The following MPHOSPH10 variants were observed in gnomAD, a reference collection of about 807,000 sequenced individuals.
MPHOSPH10 encodes the protein M-phase phosphoprotein 10, also known as U3 small nucleolar ribonucleoprotein MPP10.
MPHOSPH10 carries 33 observed loss-of-function variants against 77.3 expected under a neutral mutation model. The ratio of observed to expected loss-of-function variants is 0.43; its 90% confidence interval spans 0.32 to 0.57. MPHOSPH10 has a LOEUF of 0.57. Ranked by LOEUF, MPHOSPH10 falls within the 20% of genes least tolerant of loss-of-function variation. The probability of loss-of-function intolerance (pLI) is 0.07; values close to 1 mark genes in which losing one functional copy is unlikely to be tolerated. For missense variants in MPHOSPH10, 708 were observed against 780.1 expected (o/e 0.91, Z 1.10); for synonymous variants, 245 against 268.0 (o/e 0.91, Z 0.84).
At chr2:71,134,463 A>G (rs897138037) in intron 3 of MPHOSPH10, among the ~76,000 whole-genome samples, 163 bp from the exon 4 acceptor site, 1 of 152,228 alleles carries the variant, frequency 6.6e-6, no homozygotes, top group African/African-American at 2.4e-5. Context: ...TTTTACCTAA[A>G]TAATACCTTT....
chr2:71,146,550 C>T (rs558297811), intron 8 of MPHOSPH10, among the ~76,000 whole-genome samples: 1 of 152,186 alleles, frequency 6.6e-6, no homozygotes, highest in South Asian at 2.1e-4. Flanking sequence ...GTTAGCCAGG[C>T]TGGTCTCAAA....
intron 8 of MPHOSPH10, among the ~76,000 whole-genome samples, chr2:71,146,978 A>T (rs1673721524): frequency 6.6e-6 from 1 of 152,254 alleles, no homozygotes; most frequent in Non-Finnish European, 1.5e-5. Flanking sequence ...TTTCAAAAAA[A>T]GACAAAAATC....
rs144162265 is a variant in MPHOSPH10, at chr2:71,134,774, T to G, written c.1075T>G (p.Ser359Ala). ...VKKNSDEVKS[S>A]FEKRQEKMNE... ...GAAAAATTCTGATGAAGTTAAATCC[T>G]CCTTTGAAAAAAGACAGGAAAAGGT... Residue 359 changes from serine to alanine, a missense_variant, in exon 4 of 11, where the codon TCC (serine) becomes GCC (alanine). By Grantham distance (99) the Ser-to-Ala change is moderately conservative. Coordinates refer to ENST00000244230, the MANE Select transcript of MPHOSPH10 (RefSeq NM_005791.3). 6.5e-4 allele frequency: 1,034 copies of G among 1,587,808 alleles called. 18 individuals carry two copies. In the East Asian group the frequency reaches 0.019, roughly 29 times the overall value.
chr2:71,139,671 T>C, intron 5 of MPHOSPH10, 124 bp from the exon 6 acceptor site: 1 of 635,610 alleles, frequency 1.6e-6, no homozygotes, highest in South Asian at 2.1e-5. Flanking sequence ...AGTATGGGGG[T>C]GGCCCAGGAA....
At position 71,133,430 on chromosome 2, in the gene MPHOSPH10, T is replaced by C; in HGVS notation, c.622T>C (p.Ser208Pro). Residue 208 changes from serine to proline, a missense_variant, in exon 2 of 11, where the codon TCT becomes CCT. Ser to Pro is a moderately conservative substitution (Grantham distance 74, BLOSUM62 -1). This residue lies in a region of MPHOSPH10 where 433 missense variants were observed against 432.6 expected (regional missense o/e 1.00). Coordinates refer to ENST00000244230, the MANE Select transcript of MPHOSPH10 (RefSeq NM_005791.3). ...AGTAGATGATAAATTCTTCAAACTC[T>C]CTGAAATGGAGGCCTATTTAGAAAA... ...SIVDDKFFKL[S>P]EMEAYLENIE... 6.2e-7 allele frequency: 1 copy of C among 1,613,988 alleles called. No homozygotes were observed. The highest frequency in any genetic ancestry group is 2.2e-5 in the East Asian group (1 of 44,866).
intron 7 of MPHOSPH10, among the ~76,000 whole-genome samples, chr2:71,143,178 G>A (rs528688937): frequency 6.1e-5 from 9 of 146,434 alleles, no homozygotes; most frequent in Middle Eastern, 3.5e-3. Flanking sequence ...AGTCTTGCTC[G>A]GTTGCCAGGC....
intron 9 of MPHOSPH10, 59 bp from the exon 10 acceptor site, chr2:71,149,164 C>A: frequency 2.7e-6 from 4 of 1,456,374 alleles, no homozygotes; most frequent in Non-Finnish European, 3.7e-6. Context: ...TTCTTCCATT[C>A]CAGTTTCCTA....
At chr2:71,148,140 T>G (rs757160120) in intron 9 of MPHOSPH10, 34 bp downstream of exon 9, 3 of 1,556,570 alleles carry the variant, frequency 1.9e-6, no homozygotes, top group Non-Finnish European at 2.7e-6. Context: ...TAAATGTCTG[T>G]TACAAGTTAG....
chr2:71,138,643 T>C lies in MPHOSPH10; in HGVS notation c.1240+12T>C, dbSNP rs1385917463. The C allele has an allele frequency of 6.2e-7, 1 of 1,613,992 alleles. No individual in the cohort carries two copies. The highest frequency in any genetic ancestry group is 2.2e-5 in the East Asian group (1 of 44,904). The stretch of plus-strand genomic sequence containing the variant: ...TGCTGTCCGGATGGGTATGGTGCCC[T>C]CTTCTGTAGTTTTCATGTCTGTGCT... On this transcript the variant is annotated intron_variant, in intron 5 of 10. Coordinates refer to ENST00000244230, the MANE Select transcript of MPHOSPH10 (RefSeq NM_005791.3).
rs147873518 is a variant in MPHOSPH10, at chr2:71,134,694, C to G, written c.995C>G (p.Thr332Ser). The change falls in exon 4 of 11, where the codon ACC becomes AGC. Residue 332 changes from threonine (T) to serine (S), a missense_variant. Around this residue, in one of 3 missense-constraint regions of MPHOSPH10, gnomAD observed 433 missense variants for 432.6 expected, o/e 1.00. Transcript: ENST00000244230. ...KQHKESLKRVTFALPDDAETE... is the reference protein window; with the variant it reads ...KQHKESLKRVSFALPDDAETE... ...CATAAAGAAAGCTTGAAAAGAGTGA[C>G]CTTTGCTTTACCAGATGATGCGGAA... The G allele has an allele frequency of 8.7e-6, 14 of 1,611,922 alleles. No individual in the cohort carries two copies. The highest frequency in any genetic ancestry group is 1.2e-5 in the Non-Finnish European group (14 of 1,179,094).
intron 1 of MPHOSPH10, chr2:71,130,967 A>G (rs1673365275): frequency 1.8e-6 from 1 of 554,800 alleles, no homozygotes; most frequent in Non-Finnish European, 3.2e-6. Context: ...TGTTACTGAA[A>G]TCACTCTAAC....
chr2:71,138,460 T>C, intron 4 of MPHOSPH10, 30 bp from the exon 5 acceptor site: 10 of 1,467,548 alleles, frequency 6.8e-6, no homozygotes, highest in Non-Finnish European at 8.3e-6. Flanking sequence ...ATTTTCTAAA[T>C]GTATACTAGT....
At chr2:71,141,575 A>G (rs1470583051) in intron 7 of MPHOSPH10, among the ~76,000 whole-genome samples, 1 of 152,150 alleles carries the variant, frequency 6.6e-6, no homozygotes, top group Non-Finnish European at 1.5e-5. Flanking sequence ...TTGCAATTAG[A>G]CTTTGGTCAC....
In MPHOSPH10 at chr2:71,149,424, A is replaced by C; in HGVS notation, c.1867A>C (p.Thr623Pro). ...AGCTTCGGAGAAGTTAAAACAGCTG[A>C]CCAAAACTGGCAAAGCTTCCTTCAT... The part of the protein sequence containing the change: ...TVASEKLKQL[T>P]KTGKASFIKD... Residue 623 changes from threonine to proline, a missense_variant, in exon 10 of 11, where the codon ACC becomes CCC. Around this residue, in one of 3 missense-constraint regions of MPHOSPH10, gnomAD observed 263 missense variants for 320.0 expected, o/e 0.82. Coordinates refer to ENST00000244230, the MANE Select transcript of MPHOSPH10 (RefSeq NM_005791.3). 1 of 1,614,024 alleles carries C rather than the reference A, an allele frequency of 6.2e-7. No individual in the cohort carries two copies. Among genetic ancestry groups the C allele is most frequent in the Non-Finnish European group, 8.5e-7 (1 of 1,179,994 alleles).
chr2:71,139,366 GT>G (rs1673566158), intron 5 of MPHOSPH10: 1 of 156,850 alleles, frequency 6.4e-6, no homozygotes, highest in African/African-American at 2.4e-5. Flanking sequence ...GTAGTAATCT[GT>G]TTTGAAGGCT....
rs767175759 is a variant in MPHOSPH10 at position 71,133,118 on chromosome 2, A to G, written c.310A>G (p.Ile104Val). The G allele has an allele frequency of 1.9e-6, 3 of 1,614,036 alleles. No homozygotes were observed. In the African/African-American group the frequency reaches 4.0e-5, roughly 22 times the overall value. Residue 104 changes from isoleucine to valine, a missense_variant, in exon 2 of 11, where the codon ATC becomes GTC. Transcript: ENST00000244230. ...AVSETINDED[I>V]SLLPESEEQE... ...TAGTGAAACAATTAATGATGAAGAT[A>G]TCAGTCTTCTCCCAGAGAGTGAAGA...
At chr2:71,137,416 TG>T (rs1673517784) in intron 4 of MPHOSPH10, among the ~76,000 whole-genome samples, 1 of 151,876 alleles carries the variant, frequency 6.6e-6, no homozygotes, top group Non-Finnish European at 1.5e-5. Context: ...CCCAACACTT[TG>T]GGAGACCAAG....
chr2:71,149,141 G>A (rs2045043407), intron 9 of MPHOSPH10, 82 bp from the exon 10 acceptor site: 1 of 1,281,758 alleles, frequency 7.8e-7, no homozygotes, highest in Non-Finnish European at 1.1e-6. Flanking sequence ...CTGCTTGCTG[G>A]CTACCCTGCA....
intron 10 of MPHOSPH10, among the ~76,000 whole-genome samples, 168 bp downstream of exon 10, chr2:71,149,621 T>C (rs72905555): frequency 0.041 from 6,195 of 152,300 alleles, 381 homozygotes; most frequent in African/African-American, 0.13. Flanking sequence ...GAATTTTTCA[T>C]GTAGGGTCCT....
Sources: gnomAD v4.1 joint callset for allele counts (sites outside exome capture counted in the v4.1 genomes callset) on GRCh38, gnomAD v4.1.1 for gene constraint, gnomAD v4.1.1 regional missense constraint, MANE v1.5 for transcripts, NCBI Gene and HGNC (gene_info 2026-07-23, HGNC 2026-07-21) for gene names.